USP36: variants seen among roughly 807,000 people sequenced by gnomAD.
The protein encoded by USP36 is ubiquitin carboxyl-terminal hydrolase 36.
In USP36, 59 loss-of-function variants were observed where a neutral mutation model predicts 111.5. That is an observed-to-expected ratio of 0.53 (90% CI 0.43 to 0.66). USP36 has a LOEUF of 0.66. Ranked by LOEUF, USP36 falls within the 30% of genes least tolerant of loss-of-function variation. USP36 has a pLI of 0.00. For missense variants in USP36, 1,488 were observed against 1,468.0 expected, an observed-to-expected ratio of 1.01 and a Z score of -0.22; for synonymous variants, 628 against 581.0, an observed-to-expected ratio of 1.08 and a Z score of -1.16.
intron 17 of USP36, among the ~76,000 whole-genome samples, chr17:78,800,907 G>A (rs1034724060): frequency 1.3e-5 from 2 of 151,646 alleles, no homozygotes; most frequent in South Asian, 2.1e-4. Context: ...GCACTAACAA[G>A]CCAACTCCAC....
intron 4 of USP36, among the ~76,000 whole-genome samples, chr17:78,834,259 C>T (rs1177062352): frequency 6.6e-6 from 1 of 150,938 alleles, no homozygotes; most frequent in African/African-American, 2.4e-5. Flanking sequence ...AAAAAAGTTA[C>T]ACAGAAATAA....
Position 78,814,396 on chromosome 17 carries a change from G to T in USP36, c.1164+16C>A, listed in dbSNP as rs116245487. The T allele has an allele frequency of 1.6e-3, 2,571 of 1,613,686 alleles. 34 individuals are homozygous for T. In the African/African-American group the frequency reaches 0.02, roughly 13 times the overall value. On this transcript the variant is annotated intron_variant, in intron 11 of 20. Transcript: ENST00000449938. Reference sequence around the variant, plus strand: ...ACCTGTCCCAGGAGGCAGCTGCACTGACACAAGCCTCTCACCTTCACGTAG... The same window carrying T: ...ACCTGTCCCAGGAGGCAGCTGCACTTACACAAGCCTCTCACCTTCACGTAG...
At chr17:78,814,667 T>A in intron 10 of USP36, 115 bp from the exon 11 acceptor site, 1 of 1,333,736 alleles carries the variant, frequency 7.5e-7, no homozygotes, top group South Asian at 1.4e-5. Context: ...TTTAACAATT[T>A]GGGGGCCGGG....
At chr17:78,816,766 T>C (rs1490638550) in intron 10 of USP36, among the ~76,000 whole-genome samples, 2 of 152,192 alleles carry the variant, frequency 1.3e-5, no homozygotes, top group Non-Finnish European at 2.9e-5. Context: ...TGTGAGCCAT[T>C]GTGCCCAGCC....
chr17:78,818,317 C>T (rs1410876219), intron 10 of USP36, among the ~76,000 whole-genome samples: 1 of 152,154 alleles, frequency 6.6e-6, no homozygotes, highest in Non-Finnish European at 1.5e-5. Flanking sequence ...TCCATTAAGA[C>T]AGTGGCCCTG....
intron 1 of USP36, among the ~76,000 whole-genome samples, chr17:78,839,389 T>C (rs938707861): frequency 3.3e-5 from 5 of 152,130 alleles, no homozygotes; most frequent in Non-Finnish European, 5.9e-5. Flanking sequence ...AATAAAAGCA[T>C]ACCAACTCCC....
At chr17:78,836,798 G>GACACACACACACAC (rs71365539) in intron 2 of USP36, among the ~76,000 whole-genome samples, 1 of 145,720 alleles carries the variant, frequency 6.9e-6, no homozygotes, top group Admixed American at 6.7e-5. Flanking sequence ...TACACACACG[G>GACACACACACACAC]ACACACACAC....
intron 2 of USP36, among the ~76,000 whole-genome samples, chr17:78,838,371 C>CAA (rs1195525371): frequency 3.3e-3 from 188 of 57,838 alleles, no homozygotes; most frequent in East Asian, 4.8e-3. Flanking sequence ...GACTTGGTCT[C>CAA]AAAAAAAAAA....
In USP36 at chr17:78,812,853, C is replaced by G. The variant is rs61757572; in HGVS notation, c.1407+7G>C. On this transcript the variant is annotated splice_region_variant and intron_variant, in intron 13 of 20. Transcript: ENST00000449938. ...GCCACTTTGGCCTCCATCATTCTCACAAATACCTTTCCAGTCAGTGGGGAG... is the reference window on the plus strand; with the variant it reads ...GCCACTTTGGCCTCCATCATTCTCAGAAATACCTTTCCAGTCAGTGGGGAG... The G allele has an allele frequency of 6.2e-7, 1 of 1,612,888 alleles. No individual in the cohort carries two copies. The highest frequency in any genetic ancestry group is 1.3e-5 in the African/African-American group (1 of 74,874).
chr17:78,817,389 G>A (rs574165082), intron 10 of USP36, among the ~76,000 whole-genome samples: 10 of 152,166 alleles, frequency 6.6e-5, no homozygotes, highest in Non-Finnish European at 1.2e-4. Context: ...GTGAGGAAAC[G>A]GAGGCTCAGC....
At chr17:78,812,697 G>GA (rs572009070) in intron 13 of USP36, among the ~76,000 whole-genome samples, 163 bp downstream of exon 13, 1,640 of 52,222 alleles carry the variant, frequency 0.031, 20 homozygotes, top group East Asian at 0.042. Context: ...ACTCTGTCTC[G>GA]AAAAAAAAAA....
At chr17:78,800,869 C>T (rs559155927) in intron 17 of USP36, among the ~76,000 whole-genome samples, 11 of 152,128 alleles carry the variant, frequency 7.2e-5, no homozygotes, top group Non-Finnish European at 1.6e-4. Context: ...GACCCTGGCG[C>T]ACCGCAAGTG....
Position 78,819,959 on chromosome 17 carries a change from C to A in USP36, c.882G>T (p.Leu294=), listed in dbSNP as rs373998078. The A allele has an allele frequency of 1.2e-5, 19 of 1,614,026 alleles. No individual in the cohort carries two copies. The highest frequency in any genetic ancestry group is 1.6e-5 in the Non-Finnish European group (19 of 1,180,016). ...CACACATGTAGGCATTCTCTCCACT[C>A]AGGACATCTGCTTTCACAAAAAGTT... is the stretch of plus-strand genomic sequence containing the variant. The part of the protein sequence containing the change: ...ALELFVKADV[L]SGENAYMCAK... Residue 294 remains leucine (L), a synonymous_variant, in exon 9 of 21, where the codon CTG becomes CTT. Transcript: ENST00000449938.
chr17:78,829,061 C>T lies in USP36; in HGVS notation c.476-54G>A, dbSNP rs924067803. Reference sequence around the variant, plus strand: ...AAGACAAGAGCTTTCAAAGAACTCACGGTGAGGCCCCCACCCCAAACGTTA... The same window carrying T: ...AAGACAAGAGCTTTCAAAGAACTCATGGTGAGGCCCCCACCCCAAACGTTA... On this transcript the variant is annotated intron_variant, in intron 4 of 20. Transcript: ENST00000449938. 1.3e-4 allele frequency: 200 copies of T among 1,493,348 alleles called. 1 individual carries two copies. Among genetic ancestry groups the T allele is most frequent in the African/African-American group, 2.9e-4 (21 of 72,466 alleles). The allele number at this position is 1,493,348 out of a possible 1,614,324, so 92.5% of individuals were successfully genotyped here.
At chr17:78,802,654 AG>A (rs2093783840) in intron 16 of USP36, 119 bp from the exon 17 acceptor site, 2 of 953,936 alleles carry the variant, frequency 2.1e-6, no homozygotes, top group Non-Finnish European at 3.1e-6. Context: ...CAGTGCACGC[AG>A]GTCCCTGCAA....
chr17:78,817,959 C>T (rs1450813255), intron 10 of USP36, among the ~76,000 whole-genome samples: 1 of 151,990 alleles, frequency 6.6e-6, no homozygotes, highest in East Asian at 1.9e-4. Context: ...GTGGCATGTG[C>T]CCACAGTCCC....
chr17:78,827,015 C>T (rs1034537629), intron 6 of USP36: 15 of 665,148 alleles, frequency 2.3e-5, no homozygotes, highest in African/African-American at 5.3e-5. Flanking sequence ...CCTACCAAGC[C>T]GCCCCGGACC....
intron 20 of USP36, 110 bp from the exon 21 acceptor site, chr17:78,797,989 T>A (rs2093655377): frequency 5.8e-6 from 1 of 171,118 alleles, no homozygotes; most frequent in Admixed American, 5.7e-5. Flanking sequence ...GGCATCTCGA[T>A]GCGGCTGGCA....
At chr17:78,834,240 CA>C (rs1195033926) in intron 4 of USP36, among the ~76,000 whole-genome samples, 180 of 125,868 alleles carry the variant, frequency 1.4e-3, no homozygotes, top group Middle Eastern at 4.5e-3. Context: ...GAGTCCGTCT[CA>C]AAAAAAAAAA....
Sources: gnomAD v4.1 joint callset for allele counts (sites outside exome capture counted in the v4.1 genomes callset) on GRCh38, gnomAD v4.1.1 for gene constraint, MANE v1.5 for transcripts, NCBI Gene and HGNC (gene_info 2026-07-23, HGNC 2026-07-21) for gene names.